The following EXOC3 variants were observed in gnomAD, a reference collection of about 807,000 sequenced individuals.
The protein encoded by EXOC3 is SEC6-like 1.
In EXOC3, 21 loss-of-function variants were observed where a neutral mutation model predicts 73.7. That is an observed-to-expected ratio of 0.29 (90% CI 0.20 to 0.41). The LOEUF is 0.41. EXOC3 is among the 10% of genes least tolerant of loss of function. The pLI is 1.00. For missense variants in EXOC3, 842 were observed against 985.1 expected (o/e 0.85, Z 1.95); for synonymous variants, 410 against 389.1 (o/e 1.05, Z -0.63).
intron 3 of EXOC3, among the ~76,000 whole-genome samples, chr5:452,236 G>C (rs1737679235): frequency 6.6e-6 from 1 of 152,010 alleles, no homozygotes; most frequent in African/African-American, 2.4e-5. Context: ...TTTTCTTTCT[G>C]TTCCGGATAC....
intron 1 of EXOC3, among the ~76,000 whole-genome samples, chr5:444,062 C>T (rs574780190): frequency 6.6e-6 from 1 of 151,470 alleles, no homozygotes; most frequent in Admixed American, 6.6e-5. Context: ...GGTGTCTGCC[C>T]GGCAGAGGTG....
At chr5:458,083 A>G in intron 6 of EXOC3, 58 bp downstream of exon 6, 2 of 1,560,702 alleles carry the variant, frequency 1.3e-6, no homozygotes, top group Non-Finnish European at 1.7e-6. Context: ...TGGGACCTGT[A>G]GGTTTTACAA....
rs371891887 is a variant in EXOC3, at chr5:465,268, C to T, written c.1934C>T (p.Ala645Val). The change falls in exon 11 of 13, where the codon GCG becomes GTG. Residue 645 changes from alanine to valine, a missense_variant. By Grantham distance (64) the Ala-to-Val change is moderately conservative. Transcript: ENST00000512944. ...EQLRFLFRKL[A>V]SGFGEDVDGY... ...CTGCGCTTCCTGTTCCGGAAGCTGG[C>T]GTCCGTGAGTGTCGCGCAGGTCCGG... 17 of 1,580,876 alleles carry T rather than the reference C, an allele frequency of 1.1e-5. No homozygotes were observed. In the East Asian group the frequency reaches 2.8e-4, roughly 26 times the overall value.
intron 3 of EXOC3, 104 bp downstream of exon 3, chr5:447,856 G>A (rs1243106194): frequency 2.6e-6 from 2 of 766,024 alleles, no homozygotes; most frequent in Non-Finnish European, 4.2e-6. Flanking sequence ...CTGTAGACCT[G>A]TAGACGGTAA....
intron 7 of EXOC3, 107 bp downstream of exon 7, chr5:459,566 G>A (rs59635824): frequency 3.4e-5 from 19 of 566,994 alleles, no homozygotes; most frequent in African/African-American, 2.7e-4. Context: ...AAATTAAGCC[G>A]GTAGATTCCC....
chr5:447,034 T>C (rs1399840817), intron 2 of EXOC3: 2 of 155,210 alleles, frequency 1.3e-5, no homozygotes, highest in Non-Finnish European at 2.8e-5. Context: ...GATCTGAAGC[T>C]CAGGTGCCGA....
chr5:456,093 G>A (rs80056740), intron 4 of EXOC3, among the ~76,000 whole-genome samples: 14,780 of 152,100 alleles, frequency 0.097, 793 homozygotes, highest in Admixed American at 0.14. Flanking sequence ...TGTTTCCAAA[G>A]GACAGCACAG....
Position 461,995 on chromosome 5 carries a change from A to G in EXOC3, c.1427A>G (p.His476Arg). 1 of 1,603,344 alleles carries G rather than the reference A, an allele frequency of 6.2e-7. No individual in the cohort carries two copies. The highest frequency in any genetic ancestry group is 8.5e-7 in the Non-Finnish European group (1 of 1,174,710). The change falls in exon 8 of 13, where the codon CAC (histidine) becomes CGC (arginine). Residue 476 changes from histidine to arginine, a missense_variant. Transcript: ENST00000512944. ...KDEAQLYKEE[H>R]LRNRQHPHCY... Reference sequence around the variant, plus strand: ...GAAGCGCAGCTGTATAAAGAAGAGCACCTGAGGAATCGGCAGCACCCTCAC... The same window carrying G: ...GAAGCGCAGCTGTATAAAGAAGAGCGCCTGAGGAATCGGCAGCACCCTCAC...
intron 3 of EXOC3, among the ~76,000 whole-genome samples, chr5:448,952 C>A (rs955893979): frequency 6.6e-6 from 1 of 152,240 alleles, no homozygotes; most frequent in Non-Finnish European, 1.5e-5. Context: ...CCGCCTGGAA[C>A]AGGAATAAAG....
At chr5:460,926 C>T (rs1344145066) in intron 7 of EXOC3, among the ~76,000 whole-genome samples, 2 of 152,234 alleles carry the variant, frequency 1.3e-5, no homozygotes, top group Non-Finnish European at 2.9e-5. Context: ...CCTTTCTTAA[C>T]ATCTCTTAAA....
chr5:465,221 G>T lies in EXOC3; in HGVS notation c.1887G>T (p.Lys629Asn). The part of the protein sequence containing the change: ...SPEERKEGAE[K>N]MVREAEQLRF... Reference sequence around the variant, plus strand: ...AGGAGCGCAAGGAGGGTGCCGAGAAGATGGTTAGGGAGGCAGAGCAGCTGC... The same window carrying T: ...AGGAGCGCAAGGAGGGTGCCGAGAATATGGTTAGGGAGGCAGAGCAGCTGC... The change falls in exon 11 of 13, where the codon AAG (lysine) becomes AAT (asparagine). Residue 629 changes from lysine to asparagine, a missense_variant. By Grantham distance (94) the Lys-to-Asn change is moderately conservative. Transcript: ENST00000512944. 6.3e-7 allele frequency: 1 copy of T among 1,593,406 alleles called. No homozygotes were observed. The highest frequency in any genetic ancestry group is 8.5e-7 in the Non-Finnish European group (1 of 1,170,334).
At chr5:444,015 G>A (rs1016760118) in intron 1 of EXOC3, among the ~76,000 whole-genome samples, 2 of 152,202 alleles carry the variant, frequency 1.3e-5, no homozygotes, top group Admixed American at 6.5e-5. Flanking sequence ...TCCCCTCGGC[G>A]CAGGCGTCCC....
chr5:450,803 T>G (rs1378245814), intron 3 of EXOC3, among the ~76,000 whole-genome samples: 1 of 151,778 alleles, frequency 6.6e-6, no homozygotes, highest in African/African-American at 2.4e-5. Context: ...TTTTTTTTTT[T>G]AATTTAAAGT....
intron 4 of EXOC3, among the ~76,000 whole-genome samples, chr5:455,421 T>C (rs1166905456): frequency 1.3e-5 from 2 of 152,244 alleles, no homozygotes; most frequent in Admixed American, 6.5e-5. Context: ...AGAAACATTC[T>C]CACACGGAAT....
Position 452,241 on chromosome 5 carries a change from G to A in EXOC3, c.365-1129G>A, listed in dbSNP as rs566511742. 2.8e-4 allele frequency among the ~76,000 whole-genome samples: 42 copies of A among 152,108 alleles called. 1 individual carries two copies. In the South Asian group the frequency reaches 7.7e-3, roughly 28 times the overall value. On this transcript the variant is annotated intron_variant, in intron 3 of 12. Transcript: ENST00000512944. Reference sequence around the variant, plus strand: ...CTTCAATCTTTTTTCTTTCTGTTCCGGATACTTGATATTTCCCATTGTCCT... The same window carrying A: ...CTTCAATCTTTTTTCTTTCTGTTCCAGATACTTGATATTTCCCATTGTCCT...
intron 7 of EXOC3, 81 bp downstream of exon 7, chr5:459,540 G>A: frequency 1.6e-6 from 1 of 632,368 alleles, no homozygotes; most frequent in Non-Finnish European, 2.7e-6. Flanking sequence ...ATCCTACTAT[G>A]CCTGTTACTA....
In EXOC3 at chr5:462,037, T is replaced by A; in HGVS notation, c.1469T>A (p.Met490Lys). ...CACCCTCACTGCTACGTTCAGTACA[T>A]GATCGCCATCATCAACAACTGCCAG... ...RQHPHCYVQY[M>K]IAIINNCQTF... is the part of the protein sequence containing the mutation. The change falls in exon 8 of 13, where the codon ATG becomes AAG. Residue 490 changes from methionine to lysine, a missense_variant. By Grantham distance (95) the Met-to-Lys change is moderately conservative. Transcript: ENST00000512944. 6.2e-7 allele frequency: 1 copy of A among 1,609,874 alleles called. No homozygotes were observed. Among genetic ancestry groups the A allele is most frequent in the Non-Finnish European group, 8.5e-7 (1 of 1,177,956 alleles).
Position 465,220 on chromosome 5 carries a change from A to C in EXOC3, c.1886A>C (p.Lys629Thr), listed in dbSNP as rs998385894. 4 of 1,593,906 alleles carry C rather than the reference A, an allele frequency of 2.5e-6. No individual in the cohort carries two copies. Among genetic ancestry groups the C allele is most frequent in the Non-Finnish European group, 3.4e-6 (4 of 1,170,598 alleles). ...GAGGAGCGCAAGGAGGGTGCCGAGAAGATGGTTAGGGAGGCAGAGCAGCTG... is the reference window on the plus strand; with the variant it reads ...GAGGAGCGCAAGGAGGGTGCCGAGACGATGGTTAGGGAGGCAGAGCAGCTG... ...SPEERKEGAE[K>T]MVREAEQLRF... is the part of the protein sequence containing the mutation. The change falls in exon 11 of 13, where the codon AAG becomes ACG. Residue 629 changes from lysine (K) to threonine (T), a missense_variant. By Grantham distance (78) the Lys-to-Thr change is moderately conservative. Coordinates refer to ENST00000512944, the MANE Select transcript of EXOC3 (RefSeq NM_007277.5).
At position 462,280 on chromosome 5, in the gene EXOC3, G is replaced by C. The variant is rs1244392892; in HGVS notation, c.1626G>C (p.Leu542Phe). 1 of 1,614,000 alleles carries C rather than the reference G, an allele frequency of 6.2e-7. No individual in the cohort carries two copies. The highest frequency in any genetic ancestry group is 2.2e-5 in the East Asian group (1 of 44,896). The change falls in exon 9 of 13, where the codon TTG becomes TTC. Residue 542 changes from leucine to phenylalanine, a missense_variant. Coordinates refer to ENST00000512944, the MANE Select transcript of EXOC3 (RefSeq NM_007277.5). The stretch of plus-strand genomic sequence containing the variant: ...TCGCGAAGGAGGGCTGCAGCGGTTT[G>C]CTGGAGGAGGTCTTCCTGGACCTGG... ...DAIAKEGCSG[L>F]LEEVFLDLEQ... is the part of the protein sequence containing the mutation.
Sources: gnomAD v4.1 joint callset for allele counts (sites outside exome capture counted in the v4.1 genomes callset) on GRCh38, gnomAD v4.1.1 for gene constraint, MANE v1.5 for transcripts, NCBI Gene and HGNC (gene_info 2026-07-23, HGNC 2026-07-21) for gene names.